PLEKHD1: variants seen among roughly 807,000 people sequenced by gnomAD.
The protein encoded by PLEKHD1 is pleckstrin homology and coiled-coil domain containing D1.
A neutral mutation model predicts 69.2 loss-of-function variants in PLEKHD1; 51 were observed. The observed-to-expected ratio is 0.74, with a 90% CI of 0.59 to 0.93. The LOEUF (loss-of-function observed/expected upper bound fraction) is 0.93, where lower values mean the gene tolerates loss of function less well. PLEKHD1 is among the 40% of genes least tolerant of loss of function. PLEKHD1 has a pLI of 0.00. For synonymous variants in PLEKHD1, 236 were observed against 244.7 expected (o/e 0.96, Z 0.33); for missense variants, 584 against 641.0 (o/e 0.91, Z 0.96).
chr14:69,523,426 T>C (rs1594992894), intron 7 of PLEKHD1, among the ~76,000 whole-genome samples: 1 of 152,080 alleles, frequency 6.6e-6, no homozygotes, highest in Admixed American at 6.5e-5. Flanking sequence ...CAATTAACTA[T>C]GTATTTTGAG....
chr14:69,509,212 T>G (rs1883217833), intron 6 of PLEKHD1, among the ~76,000 whole-genome samples: 3 of 152,132 alleles, frequency 2.0e-5, no homozygotes, highest in Admixed American at 2.0e-4. Flanking sequence ...CTTTTGCCCA[T>G]TTTTTTATTG....
At chr14:69,518,439 A>G (rs1883435878) in intron 6 of PLEKHD1, among the ~76,000 whole-genome samples, 1 of 152,186 alleles carries the variant, frequency 6.6e-6, no homozygotes, top group African/African-American at 2.4e-5. Flanking sequence ...AGCTTGGCAG[A>G]TGCTTGAAAC....
At chr14:69,489,213 C>T (rs1443430270) in intron 1 of PLEKHD1, among the ~76,000 whole-genome samples, 1 of 152,126 alleles carries the variant, frequency 6.6e-6, no homozygotes, top group African/African-American at 2.4e-5. Context: ...CTTCCTTGTA[C>T]CCAAGACTTA....
chr14:69,475,003 G>A, the PLEKHD1 span, among the ~76,000 whole-genome samples: 1 of 152,190 alleles, frequency 6.6e-6, no homozygotes, highest in Non-Finnish European at 1.5e-5. Flanking sequence ...TTATAGGTAT[G>A]AGCCACTGTT....
chr14:69,481,702 A>G (rs1882544458), upstream of PLEKHD1, among the ~76,000 whole-genome samples: 1 of 152,236 alleles, frequency 6.6e-6, no homozygotes, highest in Non-Finnish European at 1.5e-5. Context: ...TAAAAATAAT[A>G]TGTATGTACC....
Position 69,513,990 on chromosome 14 carries a change from C to T in PLEKHD1, c.556-8293C>T, listed in dbSNP as rs376563470. On this transcript the variant is annotated intron_variant, in intron 6 of 12. Transcript: ENST00000322564. ...TTCTTTCTTCAATAGGTAATTTTTT[C>T]TTCTTCTGGCTTCTTAAGATATTTT... is the stretch of plus-strand genomic sequence containing the variant. 1.2e-4 allele frequency among the ~76,000 whole-genome samples: 19 copies of T among 152,124 alleles called. No homozygotes were observed. In the East Asian group the frequency reaches 1.5e-3, roughly 12 times the overall value.
intron 1 of PLEKHD1, among the ~76,000 whole-genome samples, chr14:69,493,990 G>C (rs151011510): frequency 6.3e-4 from 96 of 152,308 alleles, no homozygotes; most frequent in African/African-American, 2.2e-3. Flanking sequence ...GGAGGTCAGG[G>C]AGCTGGCCAG....
At chr14:69,483,929 A>G (rs1882593971), upstream of PLEKHD1, among the ~76,000 whole-genome samples, 1 of 152,228 alleles carries the variant, frequency 6.6e-6, no homozygotes, top group Non-Finnish European at 1.5e-5. Flanking sequence ...CAACTCCGAA[A>G]GGAGCGGAAG....
At chr14:69,485,158 C>A (rs1161945211) in intron 1 of PLEKHD1, 44 bp downstream of exon 1, 2 of 1,532,012 alleles carry the variant, frequency 1.3e-6, no homozygotes, top group East Asian at 4.9e-5. Flanking sequence ...GGGGAGAGAG[C>A]CTGGGCGTCG....
intron 6 of PLEKHD1, among the ~76,000 whole-genome samples, chr14:69,509,531 G>A (rs1883223397): frequency 6.6e-6 from 1 of 151,874 alleles, no homozygotes; most frequent in Non-Finnish European, 1.5e-5. Context: ...TTTGCATTTA[G>A]CTCTATGATC....
intron 1 of PLEKHD1, among the ~76,000 whole-genome samples, chr14:69,492,375 C>G (rs766326415): frequency 1.1e-4 from 16 of 152,172 alleles, no homozygotes; most frequent in Admixed American, 4.6e-4. Flanking sequence ...TGATTCCTCC[C>G]GGTCTTCACT....
the PLEKHD1 span, among the ~76,000 whole-genome samples, chr14:69,477,057 G>C: frequency 1.3e-5 from 2 of 151,912 alleles, no homozygotes; most frequent in African/African-American, 4.8e-5. Flanking sequence ...TGTCACCCAG[G>C]CTGGAGTGCA....
upstream of PLEKHD1, among the ~76,000 whole-genome samples, chr14:69,481,719 G>A (rs1026513504): frequency 3.3e-5 from 5 of 152,166 alleles, no homozygotes; most frequent in African/African-American, 1.2e-4. Context: ...TACCTCATAG[G>A]TCTATAGTAA....
rs535343476 is a variant in PLEKHD1, at chr14:69,509,709, G to A, written c.555+6830G>A. Among the ~76,000 whole-genome samples the A allele has an allele frequency of 5.3e-5, 8 of 152,150 alleles. 1 individual carries two copies. The South Asian group carries it at 1.5e-3, about 28-fold the overall frequency. ...TCCCAGCACTTTGGGAGGTCGAGGC[G>A]GGTGGATCACCTGAGGTCAGGAGTT... On this transcript the variant is annotated intron_variant, in intron 6 of 12. Coordinates refer to ENST00000322564, the MANE Select transcript of PLEKHD1 (RefSeq NM_001161498.2).
chr14:69,502,392 G>T, intron 5 of PLEKHD1: 1 of 233,544 alleles, frequency 4.3e-6, no homozygotes, highest in South Asian at 6.5e-5. Flanking sequence ...TGAGACTGAG[G>T]GTTTGCCTTC....
the PLEKHD1 span, among the ~76,000 whole-genome samples, chr14:69,478,610 C>T: frequency 1.3e-5 from 2 of 152,188 alleles, no homozygotes; most frequent in African/African-American, 4.8e-5. Context: ...CAAAGTTCCA[C>T]AAATCTCTAG....
chr14:69,478,837 C>T, the PLEKHD1 span, among the ~76,000 whole-genome samples: 75 of 152,278 alleles, frequency 4.9e-4, no homozygotes, highest in African/African-American at 1.7e-3. Context: ...CCCTCCAAAC[C>T]GTTCCAACCT....
chr14:69,486,450 C>T lies in PLEKHD1; in HGVS notation c.149+1336C>T, dbSNP rs1363180142. On this transcript the variant is annotated intron_variant, in intron 1 of 12. Coordinates refer to ENST00000322564, the MANE Select transcript of PLEKHD1 (RefSeq NM_001161498.2). Reference sequence around the variant, plus strand: ...TTATCTCTGACCCCCTAAATGAAGGCTTGGAGCAACATGGAGTGTATTTGG... The same window carrying T: ...TTATCTCTGACCCCCTAAATGAAGGTTTGGAGCAACATGGAGTGTATTTGG... Among the ~76,000 whole-genome samples the T allele has an allele frequency of 3.9e-5, 6 of 152,218 alleles. No homozygotes were observed. In the East Asian group the frequency reaches 1.2e-3, roughly 29 times the overall value.
chr14:69,510,578 T>C (rs557953014), intron 6 of PLEKHD1, among the ~76,000 whole-genome samples: 41 of 152,194 alleles, frequency 2.7e-4, no homozygotes, highest in Admixed American at 2.3e-3. Context: ...TATAGGAAAA[T>C]AATTGACTTT....
Sources: allele counts gnomAD v4.1 joint callset (sites outside exome capture counted in the v4.1 genomes callset), GRCh38; gene constraint gnomAD v4.1.1; transcripts MANE v1.5; gene names NCBI Gene and HGNC (gene_info 2026-07-23, HGNC 2026-07-21).